Variants in CTNNA2 observed in about 807,000 individuals in gnomAD.
CTNNA2 encodes catenin alpha 2.
In CTNNA2, 42 loss-of-function variants were observed where a neutral mutation model predicts 101.0. That is an observed-to-expected ratio of 0.42 (90% CI 0.32 to 0.54). CTNNA2 has a LOEUF of 0.54. Ranked by LOEUF, CTNNA2 falls within the 20% of genes least tolerant of loss-of-function variation. CTNNA2 has a pLI of 0.14. For missense variants in CTNNA2, 871 were observed against 1,223.1 expected, an observed-to-expected ratio of 0.71 and a Z score of 4.29; for synonymous variants, 450 against 456.4, an observed-to-expected ratio of 0.99 and a Z score of 0.18.
chr2:79,680,497 G>C (rs770240717), intron 2 of CTNNA2, among the ~76,000 whole-genome samples: 1 of 152,130 alleles, frequency 6.6e-6, no homozygotes, highest in Non-Finnish European at 1.5e-5. Context: ...AACATTGAGT[G>C]TATATGTAAA....
intron 13 of CTNNA2, among the ~76,000 whole-genome samples, chr2:80,577,361 G>T (rs1261299615): frequency 2.6e-5 from 4 of 152,080 alleles, no homozygotes; most frequent in Non-Finnish European, 5.9e-5. Flanking sequence ...AGAAGATACT[G>T]GGAGAAGGAA....
chr2:80,585,080 T>C (rs11887398), intron 14 of CTNNA2, among the ~76,000 whole-genome samples: 5,178 of 152,222 alleles, frequency 0.034, 279 homozygotes, highest in African/African-American at 0.12. Context: ...TTTATAAACA[T>C]TCTTGTACTT....
intron 7 of CTNNA2, among the ~76,000 whole-genome samples, chr2:80,114,446 A>C (rs1701400964): frequency 6.6e-6 from 1 of 152,070 alleles, no homozygotes; most frequent in Non-Finnish European, 1.5e-5. Flanking sequence ...TTCTCTGCTT[A>C]CTCTAAGCTT....
At chr2:79,997,240 T>G (rs1347224366) in intron 7 of CTNNA2, among the ~76,000 whole-genome samples, 3 of 151,748 alleles carry the variant, frequency 2.0e-5, no homozygotes, top group Non-Finnish European at 4.4e-5. Context: ...CACTATTTAG[T>G]ATGGTGCCTA....
chr2:79,216,070 C>T (rs565481907), intron 2 of CTNNA2, among the ~76,000 whole-genome samples: 13 of 152,078 alleles, frequency 8.5e-5, no homozygotes, highest in African/African-American at 2.7e-4. Flanking sequence ...TCAGGCACCT[C>T]GGACCATTTG....
chr2:80,355,614 T>C (rs868281579), intron 7 of CTNNA2, among the ~76,000 whole-genome samples: 1 of 152,204 alleles, frequency 6.6e-6, no homozygotes, highest in Non-Finnish European at 1.5e-5. Flanking sequence ...TCCTGGCTGA[T>C]ATTCTAGTGA....
Position 80,075,702 on chromosome 2 carries a change from ATAAATATTATAAAAATAATATTTATACT to A in CTNNA2, c.1056+165907_1056+165934del, listed in dbSNP as rs1558783816. 9.8e-3 allele frequency among the ~76,000 whole-genome samples: 831 copies of A among 84,692 alleles called. 21 individuals carry two copies. The highest frequency in any genetic ancestry group is 0.034 in the East Asian group (69 of 2,032). The allele number at this position is 84,692 out of a possible 152,430, so 55.6% of individuals were successfully genotyped here. A position where few individuals can be genotyped will look rare whatever the true frequency, so the allele number is the denominator to read the frequency against. On this transcript the variant is annotated intron_variant, in intron 7 of 18. Transcript: ENST00000402739. ...TTATAAAAATAATATTTATACTTGT[ATAAATATTATAAAAATAATATTTATACT>A]TGTATAAATATTATAAAAATAATAT...
intron 1 of CTNNA2, chr2:79,547,648 C>G (rs1273872474): frequency 6.6e-6 from 1 of 152,150 alleles, no homozygotes; most frequent in Non-Finnish European, 1.5e-5. Flanking sequence ...TAGGGCCTCC[C>G]TCTTATGAAA....
chr2:80,049,630 G>A (rs1696743691), intron 7 of CTNNA2, among the ~76,000 whole-genome samples: 1 of 152,056 alleles, frequency 6.6e-6, no homozygotes, highest in African/African-American at 2.4e-5. Context: ...CCTTTGCCAG[G>A]CACCAGGTTT....
At chr2:79,598,598 G>A (rs1677350429) in intron 1 of CTNNA2, among the ~76,000 whole-genome samples, 1 of 152,160 alleles carries the variant, frequency 6.6e-6, no homozygotes, top group African/African-American at 2.4e-5. Flanking sequence ...TTTGTCATCT[G>A]TATATCTAAT....
At chr2:79,894,063 T>TTCTTCCTCC (rs772035711) in intron 6 of CTNNA2, among the ~76,000 whole-genome samples, 45 of 61,360 alleles carry the variant, frequency 7.3e-4, no homozygotes, top group African/African-American at 2.3e-3. Flanking sequence ...CTTCTTCTTC[T>TTCTTCCTCC]TCCTCCTCCT....
At chr2:80,435,989 C>T (rs1010823189) in intron 9 of CTNNA2, among the ~76,000 whole-genome samples, 1 of 152,150 alleles carries the variant, frequency 6.6e-6, no homozygotes, top group African/African-American at 2.4e-5. Context: ...TGATCTCCTG[C>T]TTAATTTTTT....
chr2:80,002,055 T>C (rs1558717643), intron 7 of CTNNA2, among the ~76,000 whole-genome samples: 2 of 152,228 alleles, frequency 1.3e-5, no homozygotes, highest in Non-Finnish European at 2.9e-5. Context: ...AATGTGTTTT[T>C]TAAGTGCTTA....
At chr2:80,558,704 G>A (rs1328797965) in intron 12 of CTNNA2, among the ~76,000 whole-genome samples, 1 of 152,042 alleles carries the variant, frequency 6.6e-6, no homozygotes, top group Non-Finnish European at 1.5e-5. Flanking sequence ...TGTCATGAGA[G>A]TACATTGTAG....
chr2:80,286,863 T>C (rs1397585805), intron 7 of CTNNA2, among the ~76,000 whole-genome samples: 2 of 152,230 alleles, frequency 1.3e-5, no homozygotes, highest in East Asian at 3.9e-4. Flanking sequence ...TATTGGTATG[T>C]AAACCCTTTG....
chr2:80,077,898 C>T (rs565816089), intron 7 of CTNNA2, among the ~76,000 whole-genome samples: 2 of 151,936 alleles, frequency 1.3e-5, no homozygotes, highest in Non-Finnish European at 2.9e-5. Context: ...GTAGACTTTT[C>T]AAAACTTAAC....
At chr2:79,898,995 AAGG>A (rs1395447656) in intron 6 of CTNNA2, among the ~76,000 whole-genome samples, 1 of 152,170 alleles carries the variant, frequency 6.6e-6, no homozygotes, top group Non-Finnish European at 1.5e-5. Context: ...AAGTGAAGGG[AAGG>A]AGGAGTATGA....
chr2:79,869,690 T>G, intron 4 of CTNNA2, 126 bp from the exon 5 acceptor site: 1 of 1,215,200 alleles, frequency 8.2e-7, no homozygotes, highest in Non-Finnish European at 1.1e-6. Flanking sequence ...TCTTCTCCTA[T>G]TTTTTCATTT....
At chr2:80,528,901 A>G (rs1217593089) in intron 9 of CTNNA2, among the ~76,000 whole-genome samples, 1 of 152,172 alleles carries the variant, frequency 6.6e-6, no homozygotes, top group Non-Finnish European at 1.5e-5. Flanking sequence ...CTTTTGGAAA[A>G]GCTGTATCTG....
Sources: gnomAD v4.1 joint callset for allele counts (sites outside exome capture counted in the v4.1 genomes callset) on GRCh38, gnomAD v4.1.1 for gene constraint, MANE v1.5 for transcripts, NCBI Gene and HGNC (gene_info 2026-07-23, HGNC 2026-07-21) for gene names.